The following ZMYM1 variants were observed in gnomAD, a reference collection of about 807,000 sequenced individuals.
ZMYM1 encodes zinc finger MYM-type containing 1, also known as zinc finger MYM-type protein 1.
Under a neutral mutation model 60.0 loss-of-function variants are expected in ZMYM1, and 39 were observed. The ratio of observed to expected loss-of-function variants is 0.65; its 90% CI spans 0.50 to 0.85. The LOEUF (loss-of-function observed/expected upper bound fraction) is 0.85. Ranked by LOEUF, ZMYM1 falls within the 40% of genes least tolerant of loss-of-function variation. The pLI, the probability that ZMYM1 is intolerant of heterozygous loss-of-function variation, is 0.00. For synonymous variants in ZMYM1, 413 were observed against 454.0 expected, an observed-to-expected ratio of 0.91 and a Z score of 1.15; for missense variants, 1,171 against 1,309.5, an observed-to-expected ratio of 0.89 and a Z score of 1.63.
In ZMYM1 at chr1:35,104,658, T is replaced by G; in HGVS notation, c.696T>G (p.Cys232Trp). The G allele has an allele frequency of 6.2e-7, 1 of 1,614,226 alleles. No homozygotes were observed. Among genetic ancestry groups the G allele is most frequent in the Non-Finnish European group, 8.5e-7 (1 of 1,180,034 alleles). ...CTAACAACTTCATCATGAACTGCTG[T>G]GAGAACTGTGGCACTTACTGTTACA... ...HSANNFIMNC[C>W]ENCGTYCYTS... The change falls in exon 6 of 10, where the codon TGT becomes TGG. Residue 232 changes from cysteine (C) to tryptophan (W), a missense_variant. Cys to Trp is a radical substitution (Grantham distance 215, BLOSUM62 -2). Transcript: ENST00000359858.
Position 35,104,778 on chromosome 1 carries a change from A to G in ZMYM1, c.807+9A>G, listed in dbSNP as rs1643830167. ...TTACAGCATATAAGCAGGTATGAAT[A>G]AAGACCTATTGTTTCTTCTATTAAC... On this transcript the variant is annotated intron_variant, in intron 6 of 9. Coordinates refer to ENST00000359858, the MANE Select transcript of ZMYM1 (RefSeq NM_024772.5). 1 of 1,601,470 alleles carries G rather than the reference A, an allele frequency of 6.2e-7. No individual in the cohort carries two copies. The highest frequency in any genetic ancestry group is 1.3e-5 in the African/African-American group (1 of 74,558).
Position 35,114,382 on chromosome 1 carries a change from C to T in ZMYM1, c.2552C>T (p.Thr851Ile), listed in dbSNP as rs777178951. ...GCCGATGAATTGAGTCATTTGCTGACATTGGTTTCCAAATTTGAATTTGTC... is the reference window on the plus strand; with the variant it reads ...GCCGATGAATTGAGTCATTTGCTGATATTGGTTTCCAAATTTGAATTTGTC... ...SFADELSHLL[T>I]LVSKFEFVFC... The change falls in exon 10 of 10, where the codon ACA (threonine) becomes ATA (isoleucine). Residue 851 changes from threonine (T) to isoleucine (I), a missense_variant. Physicochemically the swap from Thr to Ile is moderately conservative, Grantham distance 89. Coordinates refer to ENST00000359858, the MANE Select transcript of ZMYM1 (RefSeq NM_024772.5). 1 of 1,613,066 alleles carries T rather than the reference C, an allele frequency of 6.2e-7. No individual in the cohort carries two copies. Among genetic ancestry groups the T allele is most frequent in the Non-Finnish European group, 8.5e-7 (1 of 1,179,396 alleles).
intron 1 of ZMYM1, among the ~76,000 whole-genome samples, chr1:35,087,580 C>T (rs1237625814): frequency 6.6e-6 from 1 of 151,966 alleles, no homozygotes; most frequent in African/African-American, 2.4e-5. Flanking sequence ...GCATGCCCCA[C>T]CACGCTCGGC....
intron 1 of ZMYM1, among the ~76,000 whole-genome samples, chr1:35,066,022 T>C (rs1402554564): frequency 6.6e-6 from 1 of 152,132 alleles, no homozygotes; most frequent in African/African-American, 2.4e-5. Context: ...ACAAATTAAA[T>C]AAATTGAATT....
chr1:35,107,261 C>T (rs1643921765), intron 6 of ZMYM1, among the ~76,000 whole-genome samples: 1 of 147,686 alleles, frequency 6.8e-6, no homozygotes, highest in South Asian at 2.1e-4. Context: ...GAGATCGAGA[C>T]CATCCTGGCT....
Position 35,113,374 on chromosome 1 carries a change from A to C in ZMYM1, c.1544A>C (p.Lys515Thr). The change falls in exon 10 of 10, where the codon AAA becomes ACA. Residue 515 changes from lysine (K) to threonine (T), a missense_variant. Lys to Thr is a moderately conservative substitution (Grantham distance 78, BLOSUM62 -1). Transcript: ENST00000359858. The part of the protein sequence containing the change: ...KTLEKFRKHE[K>T]SEMHLKSLEF... ...CTGGAAAAATTCAGAAAGCATGAAA[A>C]AAGTGAAATGCATTTGAAGTCATTG... 6.2e-7 allele frequency: 1 copy of C among 1,613,620 alleles called. No homozygotes were observed. The highest frequency in any genetic ancestry group is 8.5e-7 in the Non-Finnish European group (1 of 1,179,918).
intron 9 of ZMYM1, 132 bp from the exon 10 acceptor site, chr1:35,112,845 A>G: frequency 1.4e-6 from 1 of 728,154 alleles, no homozygotes; most frequent in East Asian, 3.3e-5. Context: ...CGTAATTGTT[A>G]ACGTTTCCCC....
At chr1:35,115,947 G>A (rs918088435), downstream of ZMYM1, 2 of 152,194 alleles carry the variant, frequency 1.3e-5, no homozygotes, top group Non-Finnish European at 2.9e-5. Context: ...TAAGGTTGGG[G>A]ACTGGGCGTG....
chr1:35,088,655 G>A lies in ZMYM1; in HGVS notation c.-74-5259G>A, dbSNP rs1351998352. On this transcript the variant is annotated intron_variant, in intron 1 of 9. Transcript: ENST00000359858. ...AAAGATGAGTAGGGCTATATTAAAA[G>A]AAAGTCTGTAGGACTTATTTTACTC... 3.3e-5 allele frequency among the ~76,000 whole-genome samples: 5 copies of A among 151,256 alleles called. No homozygotes were observed. In the East Asian group the frequency reaches 9.7e-4, roughly 29 times the overall value.
rs1643703186 is a variant in ZMYM1 at position 35,102,318 on chromosome 1, GA to G, written c.420-1975del. Among the ~76,000 whole-genome samples the G allele has an allele frequency of 2.0e-5, 3 of 152,280 alleles. No individual in the cohort carries two copies. The South Asian group carries it at 6.2e-4, about 32-fold the overall frequency. The stretch of plus-strand genomic sequence containing the variant: ...GAACTTTTTGCACTCTGTTATGTTA[GA>G]ATTCGTTAATCTATCTTGTACTTTG... On this transcript the variant is annotated intron_variant, in intron 4 of 9. Transcript: ENST00000359858.
chr1:35,066,756 C>T (rs1159178916), intron 1 of ZMYM1, among the ~76,000 whole-genome samples: 2 of 152,004 alleles, frequency 1.3e-5, no homozygotes, highest in Non-Finnish European at 2.9e-5. Context: ...CCTGTTGCAC[C>T]TATAGTTCCA....
chr1:35,097,628 G>C (rs745343130), intron 4 of ZMYM1, 62 bp downstream of exon 4: 3 of 1,575,280 alleles, frequency 1.9e-6, no homozygotes, highest in Non-Finnish European at 2.6e-6. Flanking sequence ...CATAGTCTTA[G>C]TTGTAATTTC....
Position 35,113,978 on chromosome 1 carries a change from T to C in ZMYM1, c.2148T>C (p.Tyr716=). The C allele has an allele frequency of 1.2e-6, 2 of 1,610,890 alleles. No homozygotes were observed. Among genetic ancestry groups the C allele is most frequent in the South Asian group, 2.2e-5 (2 of 89,648 alleles). ...TGGATAAAATACATGGCCAGGCCTATGATAGCACCACTAATTTGAAGATAA... is the reference window on the plus strand; with the variant it reads ...TGGATAAAATACATGGCCAGGCCTACGATAGCACCACTAATTTGAAGATAA... ...VDMDKIHGQA[Y]DSTTNLKIKF... is the part of the protein sequence containing the mutation. The change falls in exon 10 of 10, where the codon TAT becomes TAC. Residue 716 remains tyrosine (Y), a synonymous_variant. Coordinates refer to ENST00000359858, the MANE Select transcript of ZMYM1 (RefSeq NM_024772.5).
At chr1:35,099,802 T>A (rs1223779530) in intron 4 of ZMYM1, among the ~76,000 whole-genome samples, 1 of 152,196 alleles carries the variant, frequency 6.6e-6, no homozygotes, top group Non-Finnish European at 1.5e-5. Flanking sequence ...TGAGTTCAAG[T>A]GATCCTCCTG....
At chr1:35,060,636 C>T (rs1426684693) in intron 1 of ZMYM1, among the ~76,000 whole-genome samples, 1 of 152,152 alleles carries the variant, frequency 6.6e-6, no homozygotes, top group Non-Finnish European at 1.5e-5. Context: ...TCCTCTCCTG[C>T]TGTGTCCTCA....
rs1186159090 is a variant in ZMYM1, at chr1:35,113,692, T to C, written c.1862T>C (p.Ile621Thr). The change falls in exon 10 of 10, where the codon ATT becomes ACT. Residue 621 changes from isoleucine to threonine, a missense_variant. Transcript: ENST00000359858. The part of the protein sequence containing the change: ...FYNSTQIQSD[I>T]IEIIKTEMLQ... ...AACAGTACACAAATTCAAAGTGATA[T>C]TATCGAAATAATAAAGACTGAAATG... 1.9e-5 allele frequency: 31 copies of C among 1,613,514 alleles called. No individual in the cohort carries two copies. The highest frequency in any genetic ancestry group is 2.6e-5 in the Non-Finnish European group (31 of 1,179,838).
intron 1 of ZMYM1, among the ~76,000 whole-genome samples, chr1:35,067,710 G>T (rs1641995316): frequency 2.0e-5 from 3 of 151,504 alleles, no homozygotes. Flanking sequence ...CCCCATTTCT[G>T]CTAGGGATGC....
chr1:35,089,261 C>G (rs1329828531), intron 1 of ZMYM1, among the ~76,000 whole-genome samples: 1 of 152,168 alleles, frequency 6.6e-6, no homozygotes, highest in Non-Finnish European at 1.5e-5. Context: ...CTGCACAAAA[C>G]TCGGTGCTTT....
intron 1 of ZMYM1, among the ~76,000 whole-genome samples, chr1:35,072,846 C>T (rs1642091086): frequency 6.6e-6 from 1 of 152,140 alleles, no homozygotes; most frequent in African/African-American, 2.4e-5. Context: ...CTTTGGGAGG[C>T]CAAGACAGGT....
Sources: allele counts gnomAD v4.1 joint callset (sites outside exome capture counted in the v4.1 genomes callset), GRCh38; gene constraint gnomAD v4.1.1; transcripts MANE v1.5; gene names NCBI Gene and HGNC (gene_info 2026-07-23, HGNC 2026-07-21).